ERAP2: variants seen among roughly 807,000 people sequenced by gnomAD.
The protein encoded by ERAP2 is leukocyte-derived arginine aminopeptidase.
A neutral mutation model predicts 111.1 loss-of-function variants in ERAP2; 118 were observed. That is an observed-to-expected ratio of 1.06 (90% CI 0.92 to 1.24). The LOEUF (loss-of-function observed/expected upper bound fraction) is 1.24. ERAP2 is among the 50% of genes most tolerant of loss of function. The pLI is 0.00. For synonymous variants in ERAP2, 410 were observed against 401.2 expected, an observed-to-expected ratio of 1.02 and a Z score of -0.26; for missense variants, 1,131 against 1,125.8, an observed-to-expected ratio of 1.00 and a Z score of -0.07.
intron 13 of ERAP2, among the ~76,000 whole-genome samples, chr5:96,904,020 C>T (rs1224686557): frequency 1.3e-5 from 2 of 152,164 alleles, no homozygotes; most frequent in Non-Finnish European, 2.9e-5. Context: ...TTATTAGCTG[C>T]TACACCAAAT....
At chr5:96,906,174 C>CGA (rs1203592390) in intron 13 of ERAP2, among the ~76,000 whole-genome samples, 1 of 121,578 alleles carries the variant, frequency 8.2e-6, no homozygotes, top group Non-Finnish European at 1.7e-5. Context: ...AACCACGACA[C>CGA]GACACTGTCT....
intron 9 of ERAP2, 101 bp downstream of exon 9, chr5:96,896,964 A>C: frequency 1.0e-6 from 1 of 957,496 alleles, no homozygotes; most frequent in Non-Finnish European, 1.4e-6. Context: ...AGTCAACCAT[A>C]TTTATTCTGC....
Position 96,879,602 on chromosome 5 carries a change from G to A in ERAP2, c.-84G>A, listed in dbSNP as rs867141257. 2.8e-6 allele frequency: 3 copies of A among 1,060,492 alleles called. 1 individual carries two copies. The allele number at this position is 1,060,492 out of a possible 1,614,324, so 65.7% of individuals were successfully genotyped here. On this transcript the variant is annotated 5_prime_UTR_variant, in exon 2 of 19. It adds an upstream start codon to the 5' untranslated region. Coordinates refer to ENST00000437043, the MANE Select transcript of ERAP2 (RefSeq NM_022350.5). Reference sequence around the variant, plus strand: ...ATTGAAAATATTGTTCAGACCCCATGTGACATAACTGGAGCCAGTGCAGTG... The same window carrying A: ...ATTGAAAATATTGTTCAGACCCCATATGACATAACTGGAGCCAGTGCAGTG...
intron 4 of ERAP2, 29 bp downstream of exon 4, chr5:96,886,818 G>C (rs1783779114): frequency 3.6e-6 from 5 of 1,378,986 alleles, no homozygotes; most frequent in Non-Finnish European, 1.9e-6. Context: ...GTTCTACGCA[G>C]TGCAGAAAAG....
chr5:96,886,808 G>T lies in ERAP2; in HGVS notation c.849+19G>T. ...GGTCAAGGTGAGACTGAGTTCTAAC[G>T]TTCTACGCAGTGCAGAAAAGTGTCC... On this transcript the variant is annotated intron_variant, in intron 4 of 18. Coordinates refer to ENST00000437043, the MANE Select transcript of ERAP2 (RefSeq NM_022350.5). 1 of 1,430,640 alleles carries T rather than the reference G, an allele frequency of 7.0e-7. No individual in the cohort carries two copies. Among genetic ancestry groups the T allele is most frequent in the Non-Finnish European group, 9.3e-7 (1 of 1,071,744 alleles). The allele number at this position is 1,430,640 out of a possible 1,614,324, so 88.6% of individuals were successfully genotyped here. A position where few individuals can be genotyped will look rare whatever the true frequency, so the allele number is the denominator to read the frequency against.
At chr5:96,884,115 C>T (rs1783480567) in intron 3 of ERAP2, among the ~76,000 whole-genome samples, 185 bp downstream of exon 3, 3 of 150,620 alleles carry the variant, frequency 2.0e-5, no homozygotes, top group African/African-American at 7.4e-5. Context: ...ACGTTAACAT[C>T]ATTCTGTTTG....
intron 11 of ERAP2, among the ~76,000 whole-genome samples, 160 bp from the exon 12 acceptor site, chr5:96,902,114 G>T (rs1486212849): frequency 2.6e-5 from 4 of 152,186 alleles, no homozygotes; most frequent in Non-Finnish European, 5.9e-5. Context: ...CATACTTAAG[G>T]ATATGCTAGT....
At chr5:96,884,080 A>G (rs1783475229) in intron 3 of ERAP2, 150 bp downstream of exon 3, 2 of 578,294 alleles carry the variant, frequency 3.5e-6, no homozygotes, top group East Asian at 3.4e-5. Context: ...CTATCTATCT[A>G]TCATCATAAT....
chr5:96,900,732 A>AGT, intron 10 of ERAP2, among the ~76,000 whole-genome samples: 3 of 152,310 alleles, frequency 2.0e-5, no homozygotes, highest in Admixed American at 2.0e-4. Context: ...GCTGGAGTAT[A>AGT]GTGGCACAAT....
At position 96,909,615 on chromosome 5, in the gene ERAP2, C is replaced by G. The variant is rs1786482941; in HGVS notation, c.2205C>G (p.Asp735Glu). The part of the protein sequence containing the change: ...YLLQYFKPVI[D>E]RQSWSDKGSV... ...TTCAGTATTTTAAGCCAGTGATTGA[C>G]AGGCAAAGCTGGAGTGACAAGGGCT... Residue 735 changes from aspartate to glutamate, a missense_variant, in exon 15 of 19, where the codon GAC (aspartate) becomes GAG (glutamate). This residue lies in a region of ERAP2 where 5 missense variants were observed against 18.4 expected (regional missense o/e 0.27). Transcript: ENST00000437043. The G allele has an allele frequency of 6.2e-7, 1 of 1,614,002 alleles. No homozygotes were observed. Among genetic ancestry groups the G allele is most frequent in the African/African-American group, 1.3e-5 (1 of 74,912 alleles).
intron 3 of ERAP2, among the ~76,000 whole-genome samples, chr5:96,885,830 C>T (rs1053934391): frequency 6.6e-6 from 1 of 152,198 alleles, no homozygotes; most frequent in African/African-American, 2.4e-5. Context: ...ACAAGCTGCC[C>T]AGACCAAATG....
chr5:96,887,425 C>A (rs1196748519), intron 4 of ERAP2, among the ~76,000 whole-genome samples: 1 of 151,776 alleles, frequency 6.6e-6, no homozygotes, highest in East Asian at 1.9e-4. Flanking sequence ...CTCAGCCTCC[C>A]AAGTAGCTGG....
At chr5:96,878,712 G>A (rs914035916) in intron 1 of ERAP2, among the ~76,000 whole-genome samples, 2 of 152,158 alleles carry the variant, frequency 1.3e-5, no homozygotes, top group African/African-American at 4.8e-5. Context: ...TGGATCACCT[G>A]AGGTCAGGAG....
rs1370336957 is a variant in ERAP2, at chr5:96,902,352, A to G, written c.1827A>G (p.Thr609=). 23 of 1,604,114 alleles carry G rather than the reference A, an allele frequency of 1.4e-5. No homozygotes were observed. The East Asian group carries it at 5.1e-4, about 36-fold the overall frequency. Residue 609 remains threonine (T), a splice_region_variant and synonymous_variant, in exon 12 of 19, where the codon ACA becomes ACG. Transcript: ENST00000437043. ...VIHRHILKSK[T]DTLDLPEKTS... The stretch of plus-strand genomic sequence containing the variant: ...ACAGACACATTCTAAAATCAAAGAC[A>G]GGTAATGAACTAATTAGCCAAACAG...
chr5:96,903,603 C>T (rs1297486594), intron 13 of ERAP2, 43 bp downstream of exon 13: 13 of 1,514,602 alleles, frequency 8.6e-6, no homozygotes, highest in African/African-American at 2.8e-5. Context: ...ATAACTGATT[C>T]GTAACCAGAT....
Position 96,902,324 on chromosome 5 carries a change from T to C in ERAP2, c.1799T>C (p.Ile600Thr). 6.2e-7 allele frequency: 1 copy of C among 1,611,560 alleles called. No homozygotes were observed. ...TACTCCACGAGTTCTTCTAATGTGA[T>C]CCACAGACACATTCTAAAATCAAAG... The part of the protein sequence containing the change: ...LTYSTSSSNV[I>T]HRHILKSKTD... Residue 600 changes from isoleucine to threonine, a missense_variant, in exon 12 of 19, where the codon ATC becomes ACC. By Grantham distance (89) the Ile-to-Thr change is moderately conservative. Coordinates refer to ENST00000437043, the MANE Select transcript of ERAP2 (RefSeq NM_022350.5).
chr5:96,913,410 A>G lies in ERAP2; in HGVS notation c.2610A>G (p.Gln870=). 6.2e-7 allele frequency: 1 copy of G among 1,614,158 alleles called. No individual in the cohort carries two copies. Among genetic ancestry groups the G allele is most frequent in the Non-Finnish European group, 8.5e-7 (1 of 1,180,000 alleles). Residue 870 remains glutamine (Q), a synonymous_variant, in exon 17 of 19, where the codon CAA becomes CAG. Transcript: ENST00000437043. ...TTGCCAGACGTCCAAAGGGGCAGCA[A>G]CTAGCATGGGATTTTGTAAGAGAAA... ...HAIARRPKGQ[Q]LAWDFVRENW... is the part of the protein sequence containing the mutation.
At chr5:96,883,154 T>C (rs1049765719) in intron 2 of ERAP2, among the ~76,000 whole-genome samples, 1 of 152,188 alleles carries the variant, frequency 6.6e-6, no homozygotes, top group African/African-American at 2.4e-5. Context: ...TCCAGCTCCT[T>C]GCCTCCAGTG....
At chr5:96,906,758 G>A (rs2549792) in intron 13 of ERAP2, among the ~76,000 whole-genome samples, 82,437 of 152,024 alleles carry the variant, frequency 0.54, 22,421 homozygotes, top group Admixed American at 0.59. Flanking sequence ...CACATTGGGC[G>A]CAGTGGCTCA....
Sources: allele counts gnomAD v4.1 joint callset (sites outside exome capture counted in the v4.1 genomes callset), GRCh38; gene constraint gnomAD v4.1.1; regional missense constraint gnomAD v4.1.1; transcripts MANE v1.5; gene names NCBI Gene and HGNC (gene_info 2026-07-23, HGNC 2026-07-21).